ADAM28: variants seen among roughly 807,000 people sequenced by gnomAD.
The protein encoded by ADAM28 is disintegrin and metalloproteinase domain-containing protein 28.
Under a neutral mutation model 101.2 loss-of-function variants are expected in ADAM28, and 105 were observed. The ratio of observed to expected loss-of-function variants is 1.04; its 90% confidence interval spans 0.89 to 1.22. The LOEUF (loss-of-function observed/expected upper bound fraction) is 1.22, where lower values mean the gene tolerates loss of function less well. ADAM28 is among the 50% of genes most tolerant of loss of function. ADAM28 has a pLI of 0.00. For missense variants in ADAM28, 1,028 were observed against 945.4 expected (o/e 1.09, Z -1.15); for synonymous variants, 322 against 310.6 (o/e 1.04, Z -0.39).
intron 6 of ADAM28, among the ~76,000 whole-genome samples, chr8:24,319,735 G>C (rs895265631): frequency 7.3e-5 from 11 of 151,586 alleles, no homozygotes; most frequent in Admixed American, 6.6e-4. Context: ...AACATGGGAA[G>C]GAGATTCAAC....
chr8:24,344,789 G>C (rs1477065726), intron 18 of ADAM28, among the ~76,000 whole-genome samples: 1 of 151,858 alleles, frequency 6.6e-6, no homozygotes, highest in Non-Finnish European at 1.5e-5. Flanking sequence ...GCTTTATTTT[G>C]ACATATCTAT....
chr8:24,322,154 T>C (rs1236818623), intron 8 of ADAM28, among the ~76,000 whole-genome samples: 1 of 151,972 alleles, frequency 6.6e-6, no homozygotes, highest in Non-Finnish European at 1.5e-5. Flanking sequence ...GAATTATTTG[T>C]GGAGGGCTAA....
rs138467700 is a variant in ADAM28 at position 24,310,945 on chromosome 8, A to T, written c.307-416A>T. ...AACGCTTTTGATAAATCAAGAAAGA[A>T]AAAACAAAAACCCAATCTAAATAAC... On this transcript the variant is annotated intron_variant, in intron 4 of 22. Coordinates refer to ENST00000265769, the MANE Select transcript of ADAM28 (RefSeq NM_014265.6). 6.8e-3 allele frequency among the ~76,000 whole-genome samples: 1,036 copies of T among 152,362 alleles called. 14 individuals carry two copies. The highest frequency in any genetic ancestry group is 0.024 in the African/African-American group (984 of 41,584).
intron 13 of ADAM28, among the ~76,000 whole-genome samples, chr8:24,335,061 A>G (rs1453150702): frequency 3.3e-5 from 5 of 152,194 alleles, no homozygotes; most frequent in Admixed American, 3.3e-4. Flanking sequence ...CCAATTCACC[A>G]GTAAATCTCT....
chr8:24,298,419 T>A (rs79193340), intron 1 of ADAM28, among the ~76,000 whole-genome samples: 29,066 of 151,980 alleles, frequency 0.19, 3,060 homozygotes, highest in East Asian at 0.33. Context: ...GAGTAATTTT[T>A]AAAAAACGCT....
chr8:24,311,491 T>C (rs368819277), intron 5 of ADAM28, 54 bp downstream of exon 5: 5 of 1,424,258 alleles, frequency 3.5e-6, no homozygotes, highest in African/African-American at 1.4e-5. Context: ...TTTATGTATG[T>C]ATCTAACCAA....
At chr8:24,350,481 T>C (rs11135795) in intron 19 of ADAM28, among the ~76,000 whole-genome samples, 55,092 of 151,858 alleles carry the variant, frequency 0.36, 10,641 homozygotes, top group Admixed American at 0.48. Context: ...CGGGTTATTT[T>C]TGTATTTTTA....
intron 8 of ADAM28, chr8:24,322,561 G>A (rs1344898717): frequency 6.6e-6 from 1 of 152,046 alleles, no homozygotes; most frequent in Non-Finnish European, 1.5e-5. Context: ...CAGCTTTAAA[G>A]TGAGAGCAAT....
Position 24,356,392 on chromosome 8 carries a change from C to T in ADAM28, c.*1988C>T, listed in dbSNP as rs191852835. 6.6e-6 allele frequency: 1 copy of T among 152,100 alleles called. No homozygotes were observed. Among genetic ancestry groups the T allele is most frequent in the Non-Finnish European group, 1.5e-5 (1 of 68,006 alleles). 9.4% of individuals were successfully genotyped at this position (152,100 alleles called of 1,614,324 possible). On this transcript the variant is annotated 3_prime_UTR_variant, in exon 23 of 23. Transcript: ENST00000265769. ...CCTCAACTAGCCATGTACCATAACC[C>T]AAGCAAAAACTAAACCATACACTCT...
At chr8:24,304,468 C>T (rs934335436) in intron 2 of ADAM28, among the ~76,000 whole-genome samples, 3 of 151,900 alleles carry the variant, frequency 2.0e-5, no homozygotes, top group African/African-American at 4.8e-5. Flanking sequence ...ATAAACCTTA[C>T]GTTTCTTGTC....
At chr8:24,294,896 T>C (rs1262365698) in intron 1 of ADAM28, among the ~76,000 whole-genome samples, 2 of 152,218 alleles carry the variant, frequency 1.3e-5, no homozygotes, top group East Asian at 1.9e-4. Flanking sequence ...AATTAGACTT[T>C]GGTTAAATTA....
chr8:24,315,339 G>C (rs1021614706), intron 6 of ADAM28, among the ~76,000 whole-genome samples: 5 of 151,790 alleles, frequency 3.3e-5, no homozygotes, highest in Admixed American at 6.6e-5. Flanking sequence ...TATTACAAAA[G>C]ATGTCTCAGA....
intron 18 of ADAM28, among the ~76,000 whole-genome samples, chr8:24,347,707 C>G (rs896838508): frequency 6.6e-6 from 1 of 151,978 alleles, no homozygotes; most frequent in Non-Finnish European, 1.5e-5. Context: ...TATATACATA[C>G]AAGTTTAGAG....
intron 2 of ADAM28, among the ~76,000 whole-genome samples, chr8:24,305,896 G>A (rs866699425): frequency 6.6e-6 from 1 of 151,994 alleles, no homozygotes; most frequent in African/African-American, 2.4e-5. Context: ...GGTGTCAGGT[G>A]ACACCTTTGA....
chr8:24,320,478 A>ACTT (rs1563289300), intron 7 of ADAM28, among the ~76,000 whole-genome samples, 171 bp downstream of exon 7: 1 of 151,924 alleles, frequency 6.6e-6, no homozygotes, highest in African/African-American at 2.4e-5. Flanking sequence ...AGCTGATATG[A>ACTT]CTTCTTTTCA....
At chr8:24,313,725 A>G (rs1204694171) in intron 6 of ADAM28, 145 bp downstream of exon 6, 17 of 824,652 alleles carry the variant, frequency 2.1e-5, no homozygotes, top group Non-Finnish European at 2.7e-5. Context: ...CTAGACATTA[A>G]TGATTCATTT....
chr8:24,313,715 C>A, intron 6 of ADAM28, 135 bp downstream of exon 6: 1 of 859,240 alleles, frequency 1.2e-6, no homozygotes, highest in Non-Finnish European at 1.7e-6. Context: ...TTAAATATTG[C>A]TAGACATTAA....
chr8:24,299,768 T>C (rs143518033), intron 1 of ADAM28: 7 of 414,090 alleles, frequency 1.7e-5, no homozygotes, highest in Middle Eastern at 3.5e-4. Context: ...TCTGAAGATA[T>C]AGGCTAAAGT....
Position 24,356,650 on chromosome 8 carries a change from C to T in ADAM28, c.*2246C>T, listed in dbSNP as rs936616633. 1 of 152,148 alleles carries T rather than the reference C, an allele frequency of 6.6e-6. No individual in the cohort carries two copies. Among genetic ancestry groups the T allele is most frequent in the African/African-American group, 2.4e-5 (1 of 41,438 alleles). The allele number at this position is 152,148 out of a possible 1,614,324, so 9.4% of individuals were successfully genotyped here. On this transcript the variant is annotated 3_prime_UTR_variant, in exon 23 of 23. Coordinates refer to ENST00000265769, the MANE Select transcript of ADAM28 (RefSeq NM_014265.6). Reference sequence around the variant, plus strand: ...TTTCACAATACTGTTTCCACACTTACTTATATCCGTAACTTTCTAACTTTA... The same window carrying T: ...TTTCACAATACTGTTTCCACACTTATTTATATCCGTAACTTTCTAACTTTA...
Sources: allele counts gnomAD v4.1 joint callset (sites outside exome capture counted in the v4.1 genomes callset), GRCh38; gene constraint gnomAD v4.1.1; transcripts MANE v1.5; gene names NCBI Gene and HGNC (gene_info 2026-07-23, HGNC 2026-07-21).